The following JAK2 variants were observed in gnomAD, a reference collection of about 807,000 sequenced individuals.
JAK2 encodes tyrosine-protein kinase JAK2.
In JAK2, 86 loss-of-function variants were observed where a neutral mutation model predicts 139.3. The observed-to-expected ratio is 0.62, with a 90% CI of 0.52 to 0.74. The LOEUF (loss-of-function observed/expected upper bound fraction) is 0.74. JAK2 is among the 30% of genes least tolerant of loss of function. The probability of loss-of-function intolerance (pLI) is 0.00; values close to 1 mark genes in which losing one functional copy is unlikely to be tolerated. For synonymous variants in JAK2, 490 were observed against 437.7 expected (o/e 1.12, Z -1.49); for missense variants, 1,421 against 1,360.3 (o/e 1.04, Z -0.70).
At chr9:5,107,394 A>G (rs1328918) in intron 22 of JAK2, among the ~76,000 whole-genome samples, 96,940 of 151,912 alleles carry the variant, frequency 0.64, 32,984 homozygotes, top group African/African-American at 0.89. Context: ...AATTCTTCCT[A>G]GTAGCCAACA....
At chr9:5,010,295 C>T (rs534050129) in intron 2 of JAK2, among the ~76,000 whole-genome samples, 2 of 151,660 alleles carry the variant, frequency 1.3e-5, no homozygotes, top group African/African-American at 2.4e-5. Context: ...TACCATACAC[C>T]GTTATTATTC....
At chr9:4,997,736 G>T (rs988142487) in intron 2 of JAK2, among the ~76,000 whole-genome samples, 1 of 152,190 alleles carries the variant, frequency 6.6e-6, no homozygotes. Flanking sequence ...GATTCATTAG[G>T]AGTGGATTTT....
At chr9:5,074,978 G>A (rs961587010) in intron 14 of JAK2, among the ~76,000 whole-genome samples, 1 of 152,216 alleles carries the variant, frequency 6.6e-6, no homozygotes, top group Non-Finnish European at 1.5e-5. Context: ...TTACAAGAAA[G>A]TGAAACAGTC....
chr9:5,008,223 G>A (rs534932186), intron 2 of JAK2, among the ~76,000 whole-genome samples: 1 of 152,062 alleles, frequency 6.6e-6, no homozygotes, highest in Admixed American at 6.5e-5. Flanking sequence ...ATGTTTGCTT[G>A]TTCCATTGTT....
intron 22 of JAK2, chr9:5,114,464 G>A (rs1822957974): frequency 4.2e-6 from 2 of 470,840 alleles, no homozygotes; most frequent in Middle Eastern, 6.4e-4. Flanking sequence ...TGCAGTCCAC[G>A]ACCAAGATCA....
intron 2 of JAK2, among the ~76,000 whole-genome samples, chr9:4,991,874 T>C (rs923188350): frequency 5.9e-5 from 9 of 152,184 alleles, no homozygotes; most frequent in African/African-American, 2.2e-4. Context: ...CCATTATATT[T>C]CTCTCCTCTT....
chr9:5,021,338 C>T (rs1402670630), intron 2 of JAK2, among the ~76,000 whole-genome samples: 2 of 152,222 alleles, frequency 1.3e-5, no homozygotes, highest in African/African-American at 4.8e-5. Context: ...CTGGACCCCT[C>T]TTCCCCCAAT....
chr9:5,051,508 A>G (rs1433390530), intron 6 of JAK2, among the ~76,000 whole-genome samples: 2 of 152,158 alleles, frequency 1.3e-5, no homozygotes, highest in East Asian at 3.8e-4. Context: ...GTTGAAGCCC[A>G]CAAATATGAA....
At chr9:5,124,717 A>G (rs1266460740) in intron 23 of JAK2, among the ~76,000 whole-genome samples, 1 of 151,814 alleles carries the variant, frequency 6.6e-6, no homozygotes, top group Non-Finnish European at 1.5e-5. Flanking sequence ...AAACACATAG[A>G]TCAATGGAAC....
chr9:5,127,302 G>C lies in JAK2; in HGVS notation c.*511G>C. On this transcript the variant is annotated 3_prime_UTR_variant, in exon 25 of 25. Transcript: ENST00000381652. ...TTACTTCACTATACAAACAAATTAA[G>C]ATGTTCAGATAATTGAATAAGTACC... The C allele has an allele frequency of 4.3e-6, 1 of 232,196 alleles. No homozygotes were observed. Among genetic ancestry groups the C allele is most frequent in the East Asian group, 6.1e-5 (1 of 16,514 alleles). 14.4% of individuals were successfully genotyped at this position (232,196 alleles called of 1,614,324 possible). A position where few individuals can be genotyped will look rare whatever the true frequency, so the allele number is the denominator to read the frequency against.
Position 5,073,798 on chromosome 9 carries a change from A to C in JAK2, c.1864+13A>C, listed in dbSNP as rs1819131884. The stretch of plus-strand genomic sequence containing the variant: ...TGTGGAGACGAGAGTAAGTAAAACT[A>C]CAGGCTTTCTAATGCCTTTCTCAGA... On this transcript the variant is annotated intron_variant, in intron 14 of 24. Coordinates refer to ENST00000381652, the MANE Select transcript of JAK2 (RefSeq NM_004972.4). The C allele has an allele frequency of 2.0e-6, 3 of 1,536,686 alleles. No individual in the cohort carries two copies. The highest frequency in any genetic ancestry group is 2.7e-6 in the Non-Finnish European group (3 of 1,113,726).
chr9:5,092,048 A>G (rs1208659103), intron 22 of JAK2, among the ~76,000 whole-genome samples: 1 of 152,174 alleles, frequency 6.6e-6, no homozygotes, highest in African/African-American at 2.4e-5. Context: ...ATTAATAACA[A>G]TCAGAATTGT....
At chr9:5,098,550 A>G (rs1464374364) in intron 22 of JAK2, 2 of 152,334 alleles carry the variant, frequency 1.3e-5, no homozygotes, top group Middle Eastern at 3.4e-3. Flanking sequence ...CTTACCTGCC[A>G]TTATCTTAAT....
intron 12 of JAK2, among the ~76,000 whole-genome samples, chr9:5,070,566 A>G (rs972047590): frequency 6.6e-6 from 1 of 151,976 alleles, no homozygotes; most frequent in African/African-American, 2.4e-5. Flanking sequence ...TTTTTAAATA[A>G]CTAATTATTT....
At chr9:5,049,713 G>C (rs974207152) in intron 5 of JAK2, among the ~76,000 whole-genome samples, 1 of 152,194 alleles carries the variant, frequency 6.6e-6, no homozygotes, top group South Asian at 2.1e-4. Context: ...GATATATTCT[G>C]AGAAATATGT....
At chr9:5,041,111 A>C (rs1816470442) in intron 4 of JAK2, 1 of 812,492 alleles carries the variant, frequency 1.2e-6, no homozygotes. Flanking sequence ...TTCGACCTTC[A>C]CGCCCAAGAC....
At chr9:5,087,119 G>T (rs931696493) in intron 19 of JAK2, among the ~76,000 whole-genome samples, 2 of 152,204 alleles carry the variant, frequency 1.3e-5, no homozygotes, top group East Asian at 3.8e-4. Flanking sequence ...CTTACTGGTT[G>T]TATTAGTCTG....
intron 2 of JAK2, among the ~76,000 whole-genome samples, chr9:4,986,518 G>A (rs1224901805): frequency 6.6e-6 from 1 of 152,180 alleles, no homozygotes. Flanking sequence ...CCATTTCTCT[G>A]AATGAAAGGG....
chr9:5,071,823 A>G lies in JAK2; in HGVS notation c.1642-669A>G, dbSNP rs116401284. Among the ~76,000 whole-genome samples the G allele has an allele frequency of 3.5e-3, 537 of 152,286 alleles. 4 individuals carry two copies. The highest frequency in any genetic ancestry group is 0.013 in the African/African-American group (526 of 41,580). ...ACATTACAAATCTAATAAATAGTAG[A>G]CCTTGGATTTGAACACAAGCAGCCT... On this transcript the variant is annotated intron_variant, in intron 12 of 24. Transcript: ENST00000381652.
Sources: gnomAD v4.1 joint callset for allele counts (sites outside exome capture counted in the v4.1 genomes callset) on GRCh38, gnomAD v4.1.1 for gene constraint, MANE v1.5 for transcripts, NCBI Gene and HGNC (gene_info 2026-07-23, HGNC 2026-07-21) for gene names.